The following PRDM16 variants were observed in gnomAD, a reference collection of about 807,000 sequenced individuals.
PRDM16 encodes the protein histone-lysine N-methyltransferase PRDM16.
PRDM16 carries 23 observed loss-of-function variants against 110.6 expected under a neutral mutation model. The observed-to-expected ratio is 0.21, with a 90% CI of 0.15 to 0.29. PRDM16 has a LOEUF of 0.29. Ranked by LOEUF, PRDM16 falls within the 10% of genes least tolerant of loss-of-function variation. The probability of loss-of-function intolerance (pLI) is 1.00; values close to 1 mark genes in which losing one functional copy is unlikely to be tolerated. For missense variants in PRDM16, 1,615 were observed against 1,794.3 expected (o/e 0.90, Z 1.81); for synonymous variants, 799 against 781.8 (o/e 1.02, Z -0.37).
intron 5 of PRDM16, among the ~76,000 whole-genome samples, chr1:3,398,969 G>A (rs78739434): frequency 0.059 from 8,920 of 152,260 alleles, 884 homozygotes; most frequent in African/African-American, 0.2. Flanking sequence ...CTGCCGTCCC[G>A]GGGCTGGACA....
chr1:3,142,953 C>T (rs933194432), intron 1 of PRDM16, among the ~76,000 whole-genome samples: 8 of 152,230 alleles, frequency 5.3e-5, no homozygotes, highest in African/African-American at 1.9e-4. Flanking sequence ...CACCCAGGTG[C>T]GATGCTGATC....
chr1:3,407,336 A>G (rs530750435), intron 8 of PRDM16, among the ~76,000 whole-genome samples: 7 of 152,300 alleles, frequency 4.6e-5, no homozygotes, highest in African/African-American at 1.4e-4. Context: ...CCACCAACTG[A>G]GGAACCAAAG....
intron 1 of PRDM16, chr1:3,127,903 G>GAAC (rs1034785335): frequency 3.9e-5 from 6 of 153,318 alleles, no homozygotes; most frequent in African/African-American, 1.4e-4. Context: ...TGGCTTCCTG[G>GAAC]AACAGAAGCC....
chr1:3,314,596 CT>C (rs750013164), intron 3 of PRDM16, among the ~76,000 whole-genome samples: 6 of 152,168 alleles, frequency 3.9e-5, no homozygotes, highest in Admixed American at 1.3e-4. Context: ...CTCTCCCCCC[CT>C]CCCTCCTTCT....
rs1380718474 is a variant in PRDM16, at chr1:3,181,494, ACGCATG to A, written c.38-4630_38-4625del. Reference sequence around the variant, plus strand: ...CACACGCAGTCTTACACACAGCCTTACGCATGGTCTTACACACGCAGTCTTACACAA... The same window carrying A: ...CACACGCAGTCTTACACACAGCCTTAGTCTTACACACGCAGTCTTACACAA... On this transcript the variant is annotated intron_variant, in intron 1 of 16. Coordinates refer to ENST00000270722, the MANE Select transcript of PRDM16 (RefSeq NM_022114.4). 7.6e-4 allele frequency among the ~76,000 whole-genome samples: 45 copies of A among 59,576 alleles called. 5 individuals are homozygous for A. The highest frequency in any genetic ancestry group is 1.7e-3 in the Admixed American group (9 of 5,344). The allele number at this position is 59,576 out of a possible 152,430, so 39.1% of individuals were successfully genotyped here.
At chr1:3,249,823 AT>A (rs1440602872) in intron 3 of PRDM16, among the ~76,000 whole-genome samples, 1 of 152,240 alleles carries the variant, frequency 6.6e-6, no homozygotes, top group African/African-American at 2.4e-5. Context: ...TCGGGAGTCC[AT>A]TAATTCAGTG....
chr1:3,376,407 T>C (rs2493312), intron 3 of PRDM16, among the ~76,000 whole-genome samples: 17,545 of 152,234 alleles, frequency 0.12, 3,011 homozygotes, highest in African/African-American at 0.37. Context: ...AGAGTCCCAC[T>C]GGGTCACAGG....
At chr1:3,314,362 T>C (rs890645784) in intron 3 of PRDM16, among the ~76,000 whole-genome samples, 3 of 152,140 alleles carry the variant, frequency 2.0e-5, no homozygotes, top group Admixed American at 2.0e-4. Context: ...AGAGAGATGG[T>C]GTCTCTGTAC....
chr1:3,249,205 G>A lies in PRDM16; in HGVS notation c.438+5068G>A, dbSNP rs77788982. On this transcript the variant is annotated intron_variant, in intron 3 of 16. Coordinates refer to ENST00000270722, the MANE Select transcript of PRDM16 (RefSeq NM_022114.4). ...TTTTCCTCCTAAAGGAGGCTGGAGGGCTGGGGAGGAAGGGAGTAGGGGGCA... is the reference window on the plus strand; with the variant it reads ...TTTTCCTCCTAAAGGAGGCTGGAGGACTGGGGAGGAAGGGAGTAGGGGGCA... Among the ~76,000 whole-genome samples the A allele has an allele frequency of 3.3e-3, 494 of 151,876 alleles. 3 individuals are homozygous for A. Among genetic ancestry groups the A allele is most frequent in the African/African-American group, 0.012 (477 of 41,370 alleles).
At chr1:3,215,592 C>G (rs1481058899) in intron 2 of PRDM16, among the ~76,000 whole-genome samples, 1 of 152,214 alleles carries the variant, frequency 6.6e-6, no homozygotes, top group African/African-American at 2.4e-5. Flanking sequence ...CGGACCAACC[C>G]AGAACCCCAC....
At chr1:3,356,260 G>GC (rs1280946804) in intron 3 of PRDM16, among the ~76,000 whole-genome samples, 2 of 152,040 alleles carry the variant, frequency 1.3e-5, no homozygotes, top group Non-Finnish European at 2.9e-5. Context: ...TTGTTCCAAA[G>GC]CCCCCCCCAG....
chr1:3,235,145 G>A (rs1032109512), intron 2 of PRDM16, among the ~76,000 whole-genome samples: 3 of 152,230 alleles, frequency 2.0e-5, no homozygotes, highest in African/African-American at 7.2e-5. Context: ...AGGTCCTGGG[G>A]CCCTGCGAGG....
intron 1 of PRDM16, among the ~76,000 whole-genome samples, chr1:3,130,050 A>C (rs1643301964): frequency 6.6e-6 from 1 of 152,148 alleles, no homozygotes; most frequent in African/African-American, 2.4e-5. Context: ...CAAGCACCCC[A>C]GAGGGAGGTG....
intron 2 of PRDM16, among the ~76,000 whole-genome samples, chr1:3,240,974 G>A (rs776092952): frequency 3.9e-4 from 59 of 152,298 alleles, no homozygotes; most frequent in Admixed American, 1.3e-3. Context: ...AGAGCGCGGC[G>A]GCCGCTGCCA....
rs551464811 is a variant in PRDM16, at chr1:3,243,048, C to G, written c.388-1039C>G. Among the ~76,000 whole-genome samples the G allele has an allele frequency of 6.6e-6, 1 of 152,288 alleles. No homozygotes were observed. The highest frequency in any genetic ancestry group is 1.9e-4 in the East Asian group (1 of 5,166). ...CTGGTGGCTTTTAAGAGGAGACACCCGGCGAAATGCTCTCCAGAGCCAAAG... is the reference window on the plus strand; with the variant it reads ...CTGGTGGCTTTTAAGAGGAGACACCGGGCGAAATGCTCTCCAGAGCCAAAG... On this transcript the variant is annotated intron_variant, in intron 2 of 16. Transcript: ENST00000270722. The surrounding 1 kb of genome is among the most constrained non-coding windows in gnomAD (Gnocchi z 5.5).
chr1:3,114,193 GCA>G (rs1216124276), intron 1 of PRDM16, among the ~76,000 whole-genome samples: 1,077 of 106,180 alleles, frequency 0.01, 15 homozygotes, highest in African/African-American at 0.039. Flanking sequence ...ACGCACACAC[GCA>G]CACGCACGCA....
intron 1 of PRDM16, among the ~76,000 whole-genome samples, chr1:3,153,478 G>A (rs1643811590): frequency 1.3e-5 from 2 of 152,346 alleles, no homozygotes; most frequent in African/African-American, 2.4e-5. Flanking sequence ...CCCACAGCGC[G>A]GTCCCCAGGC....
intron 1 of PRDM16, among the ~76,000 whole-genome samples, chr1:3,096,325 G>A (rs542159021): frequency 7.4e-4 from 112 of 152,216 alleles, no homozygotes; most frequent in Non-Finnish European, 1.1e-3. Context: ...GAACCCCGCG[G>A]GCCCCTTCCT....
rs1332271774 is a variant in PRDM16 at position 3,437,977 on chromosome 1, C to T, written c.*4166C>T. ...TAAAGAATCCTCGCAGAATCACAGA[C>T]CTGTGCCGCCCGCCACCTTCTGCCA... On this transcript the variant is annotated 3_prime_UTR_variant, in exon 17 of 17. Coordinates refer to ENST00000270722, the MANE Select transcript of PRDM16 (RefSeq NM_022114.4). The T allele has an allele frequency of 1.8e-5, 4 of 220,408 alleles. No individual in the cohort carries two copies. Among genetic ancestry groups the T allele is most frequent in the African/African-American group, 8.9e-5 (4 of 44,726 alleles). The allele number at this position is 220,408 out of a possible 1,614,324, so 13.7% of individuals were successfully genotyped here. A position where few individuals can be genotyped will look rare whatever the true frequency, so the allele number is the denominator to read the frequency against.
Sources: allele counts gnomAD v4.1 joint callset (sites outside exome capture counted in the v4.1 genomes callset), GRCh38; gene constraint gnomAD v4.1.1; non-coding constraint Gnocchi (gnomAD v3.1); transcripts MANE v1.5; gene names NCBI Gene and HGNC (gene_info 2026-07-23, HGNC 2026-07-21).